Variants in ZDHHC11 observed in about 807,000 individuals in gnomAD.
ZDHHC11 encodes palmitoyltransferase ZDHHC11.
ZDHHC11 carries 44 observed loss-of-function variants against 51.3 expected under a neutral mutation model. The observed-to-expected ratio is 0.86, with a 90% CI of 0.67 to 1.10. The LOEUF (loss-of-function observed/expected upper bound fraction) is 1.10, where lower values mean the gene tolerates loss of function less well. Ranked by LOEUF, ZDHHC11 falls within the 50% of genes least tolerant of loss-of-function variation. The pLI is 0.00. For missense variants in ZDHHC11, 400 were observed against 537.7 expected, an observed-to-expected ratio of 0.74 and a Z score of 2.53; for synonymous variants, 163 against 222.0, an observed-to-expected ratio of 0.73 and a Z score of 2.36.
At chr5:796,621 G>A (rs1166981126) in intron 12 of ZDHHC11, 41 bp from the exon 13 acceptor site, 1 of 151,442 alleles carries the variant, frequency 6.6e-6, no homozygotes, top group Admixed American at 6.6e-5. Context: ...CAGCCACCAG[G>A]GAGGAAGCTC....
Position 814,454 on chromosome 5 carries a change from T to A in ZDHHC11, c.1181+307A>T, listed in dbSNP as rs1344300746. Reference sequence around the variant, plus strand: ...GATCTGACTCTCAATGAAACACTATTAGAAACATTAAAAAACATTCAGGCT... The same window carrying A: ...GATCTGACTCTCAATGAAACACTATAAGAAACATTAAAAAACATTCAGGCT... On this transcript the variant is annotated intron_variant, in intron 11 of 12. Coordinates refer to ENST00000283441, the MANE Select transcript of ZDHHC11 (RefSeq NM_024786.3). 2.6e-5 allele frequency among the ~76,000 whole-genome samples: 4 copies of A among 151,388 alleles called. 1 individual carries two copies. Among genetic ancestry groups the A allele is most frequent in the African/African-American group, 9.7e-5 (4 of 41,232 alleles).
rs993734705 is a variant in ZDHHC11 at position 806,777 on chromosome 5, TCATTAATAATG to T, written c.1182-5624_1182-5614del. Among the ~76,000 whole-genome samples the T allele has an allele frequency of 3.4e-4, 50 of 145,906 alleles. 1 individual carries two copies. The highest frequency in any genetic ancestry group is 1.3e-3 in the African/African-American group (49 of 37,442). On this transcript the variant is annotated intron_variant, in intron 11 of 12. Coordinates refer to ENST00000283441, the MANE Select transcript of ZDHHC11 (RefSeq NM_024786.3). ...TCGTATGGCTCACATGTGTTCAGATTCATTAATAATGAGGGAAATACTGAAGAAGGCCACAA... is the reference window on the plus strand; with the variant it reads ...TCGTATGGCTCACATGTGTTCAGATTAGGGAAATACTGAAGAAGGCCACAA...
chr5:829,858 T>C (rs898385634), intron 7 of ZDHHC11, among the ~76,000 whole-genome samples: 2 of 151,444 alleles, frequency 1.3e-5, no homozygotes, highest in African/African-American at 2.4e-5. Flanking sequence ...ATAAATGTGA[T>C]ACCTCACATA....
At chr5:818,489 C>T (rs1346923334) in intron 10 of ZDHHC11, among the ~76,000 whole-genome samples, 4 of 151,774 alleles carry the variant, frequency 2.6e-5, no homozygotes, top group South Asian at 2.1e-4. Flanking sequence ...TGTGGTGAGG[C>T]GGCCCTGCCC....
At chr5:822,411 G>A (rs614698) in intron 8 of ZDHHC11, among the ~76,000 whole-genome samples, 1 of 151,482 alleles carries the variant, frequency 6.6e-6, no homozygotes, top group African/African-American at 2.4e-5. Flanking sequence ...ATTTCTTGTT[G>A]CAACACCCCA....
upstream of ZDHHC11, among the ~76,000 whole-genome samples, chr5:859,608 C>A (rs1357555043): frequency 2.0e-5 from 3 of 152,182 alleles, no homozygotes; most frequent in African/African-American, 7.2e-5. Context: ...GACTTCAGCA[C>A]GTGTTTTCGT....
chr5:813,824 G>A (rs1213232576), intron 11 of ZDHHC11, among the ~76,000 whole-genome samples: 1 of 148,352 alleles, frequency 6.7e-6, no homozygotes, highest in Non-Finnish European at 1.5e-5. Flanking sequence ...TGAGATGTGA[G>A]GTGAAGGCAG....
At chr5:841,685 G>A in intron 4 of ZDHHC11, 1 of 990,886 alleles carries the variant, frequency 1.0e-6, no homozygotes, top group Non-Finnish European at 1.2e-6. Context: ...GCTCTCGCCT[G>A]GGGTCATTTC....
chr5:836,443 T>C (rs1198406961), intron 6 of ZDHHC11, among the ~76,000 whole-genome samples: 2 of 150,452 alleles, frequency 1.3e-5, no homozygotes, highest in African/African-American at 2.4e-5. Flanking sequence ...TCTGCCTGTG[T>C]TTCCTGAATG....
intron 11 of ZDHHC11, among the ~76,000 whole-genome samples, chr5:812,361 G>A (rs566997351): frequency 2.0e-5 from 3 of 152,156 alleles, no homozygotes; most frequent in East Asian, 1.9e-4. Flanking sequence ...TATCCCTAAC[G>A]TGCAGAGAGC....
At chr5:841,956 G>A (rs1203010498) in intron 4 of ZDHHC11, 23 of 989,648 alleles carry the variant, frequency 2.3e-5, no homozygotes, top group Middle Eastern at 5.2e-4. Context: ...TGACAGGACC[G>A]CAGCTCCATG....
At chr5:814,947 C>G in intron 10 of ZDHHC11, 152 bp from the exon 11 acceptor site, 3 of 791,378 alleles carry the variant, frequency 3.8e-6, no homozygotes, top group Non-Finnish European at 5.5e-6. Context: ...AGTGGTGACA[C>G]AGCACCCTTC....
chr5:838,607 G>A (rs1384174646), intron 5 of ZDHHC11, among the ~76,000 whole-genome samples: 2 of 152,142 alleles, frequency 1.3e-5, no homozygotes, highest in African/African-American at 4.8e-5. Flanking sequence ...GGTCACGGGG[G>A]TGGGGACAGG....
At chr5:811,535 C>T (rs1740086617) in intron 11 of ZDHHC11, among the ~76,000 whole-genome samples, 1 of 147,956 alleles carries the variant, frequency 6.8e-6, no homozygotes, top group South Asian at 2.1e-4. Context: ...TGGCGCTGCC[C>T]CCAGCACGTT....
In ZDHHC11 at chr5:796,254, C is replaced by T. The variant is rs1737563098; in HGVS notation, c.*334G>A. ...TCTTAAGCAGCAAGAGGCCCTGCAG[C>T]TGGCTGGCTGGCTGGACAGCACAGT... On this transcript the variant is annotated 3_prime_UTR_variant, in exon 13 of 13. Coordinates refer to ENST00000283441, the MANE Select transcript of ZDHHC11 (RefSeq NM_024786.3). The T allele has an allele frequency of 6.5e-6, 1 of 154,564 alleles. No homozygotes were observed. The highest frequency in any genetic ancestry group is 1.5e-5 in the Non-Finnish European group (1 of 68,080). The allele number at this position is 154,564 out of a possible 1,614,324, so 9.6% of individuals were successfully genotyped here.
rs1391941528 is a variant in ZDHHC11, at chr5:850,361, T to C, written c.222+20A>G. The C allele has an allele frequency of 6.2e-7, 1 of 1,612,406 alleles. No homozygotes were observed. The highest frequency in any genetic ancestry group is 8.5e-7 in the Non-Finnish European group (1 of 1,179,440). On this transcript the variant is annotated intron_variant, in intron 1 of 12. Coordinates refer to ENST00000283441, the MANE Select transcript of ZDHHC11 (RefSeq NM_024786.3). ...CCAGGAACCCCTCCCGCTTAGACCATGCCACGATGAAAAGGATACCACGTA... is the reference window on the plus strand; with the variant it reads ...CCAGGAACCCCTCCCGCTTAGACCACGCCACGATGAAAAGGATACCACGTA...
chr5:824,113 G>C (rs71593352), intron 8 of ZDHHC11: 1 of 454,428 alleles, frequency 2.2e-6, no homozygotes, highest in Non-Finnish European at 4.4e-6. Flanking sequence ...CAGGGAAGGA[G>C]AACACACCTG....
chr5:829,435 C>T (rs146625783), intron 7 of ZDHHC11, among the ~76,000 whole-genome samples: 1 of 151,254 alleles, frequency 6.6e-6, no homozygotes, highest in South Asian at 2.1e-4. Context: ...ATACAACCCA[C>T]CTAGATTAAA....
chr5:798,420 C>A (rs1332861322), intron 12 of ZDHHC11, among the ~76,000 whole-genome samples: 2 of 151,458 alleles, frequency 1.3e-5, no homozygotes, highest in Non-Finnish European at 2.9e-5. Flanking sequence ...CACGCGTGCA[C>A]ACACACACCC....
Sources: allele counts gnomAD v4.1 joint callset (sites outside exome capture counted in the v4.1 genomes callset), GRCh38; gene constraint gnomAD v4.1.1; transcripts MANE v1.5; gene names NCBI Gene and HGNC (gene_info 2026-07-23, HGNC 2026-07-21).